SLC35D4: variants seen among roughly 807,000 people sequenced by gnomAD.
The protein encoded by SLC35D4 is solute carrier family 35 member D4, also known as UDP-N-acetylglucosamine transporter SLC35D4.
At chr18:23,260,226 A>G in the SLC35D4 span, 1 of 152,146 alleles carries the variant, frequency 6.6e-6, no homozygotes, top group Non-Finnish European at 1.5e-5. Flanking sequence ...TTAAACAGGA[A>G]ATTCATACCA....
the SLC35D4 span, among the ~76,000 whole-genome samples, chr18:23,293,482 T>G: frequency 6.6e-6 from 1 of 152,232 alleles, no homozygotes; most frequent in Admixed American, 6.5e-5. Flanking sequence ...AAATATTAAG[T>G]CTTTGAAACC....
the SLC35D4 span, chr18:23,309,583 G>T: frequency 9.6e-7 from 1 of 1,042,210 alleles, no homozygotes; most frequent in Non-Finnish European, 1.5e-6. Flanking sequence ...CACAGCCAAC[G>T]CACACTCCCT....
the SLC35D4 span, among the ~76,000 whole-genome samples, chr18:23,360,646 T>C: frequency 4.6e-5 from 7 of 152,210 alleles, no homozygotes; most frequent in East Asian, 7.7e-4. Flanking sequence ...CTTTCTGCAG[T>C]GACAGAAATG....
chr18:23,320,461 C>G, the SLC35D4 span, among the ~76,000 whole-genome samples: 163 of 152,286 alleles, frequency 1.1e-3, 1 homozygote, highest in African/African-American at 3.6e-3. Context: ...TTATTGCTAA[C>G]ATCATCTGTA....
At chr18:23,295,176 G>T in the SLC35D4 span, among the ~76,000 whole-genome samples, 1 of 151,128 alleles carries the variant, frequency 6.6e-6, no homozygotes, top group Non-Finnish European at 1.5e-5. Context: ...AGTTGAACAC[G>T]GACACAGAGA....
chr18:23,399,487 T>G, the SLC35D4 span: 1 of 1,266,968 alleles, frequency 7.9e-7, no homozygotes, highest in South Asian at 1.2e-5. Context: ...TTTGCCCTTA[T>G]TGAGCTGAGG....
the SLC35D4 span, among the ~76,000 whole-genome samples, chr18:23,366,667 C>T: frequency 5.8e-4 from 88 of 152,268 alleles, no homozygotes; most frequent in Non-Finnish European, 1.1e-3. Context: ...TGGAGGAAGA[C>T]GGCTGTGAGC....
chr18:23,298,736 C>G, the SLC35D4 span, among the ~76,000 whole-genome samples: 1 of 152,212 alleles, frequency 6.6e-6, no homozygotes, highest in African/African-American at 2.4e-5. Context: ...CTATCTGAAT[C>G]CCGTTAGTCT....
the SLC35D4 span, among the ~76,000 whole-genome samples, chr18:23,412,457 A>T: frequency 6.6e-6 from 1 of 152,214 alleles, no homozygotes; most frequent in African/African-American, 2.4e-5. Context: ...TAATTATAGA[A>T]GACCCCTAGA....
At chr18:23,421,741 A>G in the SLC35D4 span, among the ~76,000 whole-genome samples, 1 of 149,478 alleles carries the variant, frequency 6.7e-6, no homozygotes, top group Non-Finnish European at 1.5e-5. Flanking sequence ...CAATGTTGCA[A>G]TCTCGGCTCA....
the SLC35D4 span, among the ~76,000 whole-genome samples, chr18:23,275,016 T>TGCTTGTGTGAGTGTGCGTACGC: frequency 7.4e-5 from 11 of 149,330 alleles, no homozygotes; most frequent in East Asian, 2.2e-3. Flanking sequence ...TGTATGTGTG[T>TGCTTGTGTGAGTGTGCGTACGC]GCTTGTGTGT....
At chr18:23,386,193 G>A in the SLC35D4 span, among the ~76,000 whole-genome samples, 1 of 151,668 alleles carries the variant, frequency 6.6e-6, no homozygotes, top group African/African-American at 2.4e-5. Flanking sequence ...CCAATCCCTG[G>A]AACCTGTAAA....
chr18:23,347,485 C>G, the SLC35D4 span, among the ~76,000 whole-genome samples: 1 of 152,048 alleles, frequency 6.6e-6, no homozygotes, highest in African/African-American at 2.4e-5. Context: ...AGTGCAGTGG[C>G]GTGATCACGG....
the SLC35D4 span, among the ~76,000 whole-genome samples, chr18:23,389,298 GT>G: frequency 2.0e-4 from 31 of 152,224 alleles, no homozygotes; most frequent in African/African-American, 7.0e-4. Context: ...CTGTCAGGTA[GT>G]TCTTTATAGC....
the SLC35D4 span, chr18:23,430,652 G>A: frequency 2.5e-6 from 4 of 1,612,798 alleles, no homozygotes; most frequent in Middle Eastern, 1.7e-4. Context: ...TGTAGGGTAG[G>A]TAAATTTCAA....
At chr18:23,363,120 C>G in the SLC35D4 span, among the ~76,000 whole-genome samples, 3 of 151,500 alleles carry the variant, frequency 2.0e-5, no homozygotes, top group African/African-American at 7.3e-5. Context: ...TGGCAGGTGC[C>G]TATAATCCCA....
chr18:23,352,142 T>G, the SLC35D4 span: 2 of 1,507,178 alleles, frequency 1.3e-6, no homozygotes, highest in Non-Finnish European at 1.8e-6. Flanking sequence ...GGTTCTGAGA[T>G]CTTTGGATAC....
At chr18:23,434,261 C>T in the SLC35D4 span, among the ~76,000 whole-genome samples, 1 of 152,166 alleles carries the variant, frequency 6.6e-6, no homozygotes, top group African/African-American at 2.4e-5. Flanking sequence ...TCTCCTTGGT[C>T]TCCCCTTCTT....
chr18:23,405,925 A>T, the SLC35D4 span, among the ~76,000 whole-genome samples: 1 of 152,206 alleles, frequency 6.6e-6, no homozygotes, highest in African/African-American at 2.4e-5. Flanking sequence ...AGATTTCCAT[A>T]CTTTTCCAGG....
Sources: allele counts gnomAD v4.1 joint callset (sites outside exome capture counted in the v4.1 genomes callset), GRCh38; gene constraint gnomAD v4.1.1; transcripts MANE v1.5; gene names NCBI Gene and HGNC (gene_info 2026-07-23, HGNC 2026-07-21).